PRKD1: variants seen among roughly 807,000 people sequenced by gnomAD.
The protein encoded by PRKD1 is serine/threonine-protein kinase D1.
A neutral mutation model predicts 95.9 loss-of-function variants in PRKD1; 63 were observed. The ratio of observed to expected loss-of-function variants is 0.66; its 90% confidence interval spans 0.54 to 0.81. PRKD1 has a LOEUF of 0.81. Ranked by LOEUF, PRKD1 falls within the 30% of genes least tolerant of loss-of-function variation. PRKD1 has a pLI of 0.00. For synonymous variants in PRKD1, 425 were observed against 423.1 expected, an observed-to-expected ratio of 1.00 and a Z score of -0.05; for missense variants, 1,048 against 1,165.3, an observed-to-expected ratio of 0.90 and a Z score of 1.47.
At chr14:29,833,332 ATAAT>A (rs1468570816) in intron 1 of PRKD1, among the ~76,000 whole-genome samples, 1 of 152,116 alleles carries the variant, frequency 6.6e-6, no homozygotes, top group Admixed American at 6.5e-5. Flanking sequence ...ATAAGATAAT[ATAAT>A]TAGTCAAAAT....
chr14:29,610,427 T>A (rs145815156), intron 13 of PRKD1, among the ~76,000 whole-genome samples: 1 of 152,178 alleles, frequency 6.6e-6, no homozygotes, highest in African/African-American at 2.4e-5. Context: ...TTGCTCAATA[T>A]CAGGTGTCAT....
At chr14:29,829,032 G>A (rs922614713) in intron 1 of PRKD1, among the ~76,000 whole-genome samples, 6 of 152,182 alleles carry the variant, frequency 3.9e-5, no homozygotes, top group African/African-American at 1.4e-4. Flanking sequence ...GCCATGTTGT[G>A]AGAAGCCCAG....
rs147308040 is a variant in PRKD1, at chr14:29,676,177, G to GTTTTTTTTTTTTTTTTT, written c.404-9970_404-9969insAAAAAAAAAAAAAAAAA. 2.8e-3 allele frequency among the ~76,000 whole-genome samples: 288 copies of GTTTTTTTTTTTTTTTTT among 104,612 alleles called. 14 individuals carry two copies. The highest frequency in any genetic ancestry group is 3.5e-3 in the South Asian group (10 of 2,828). The allele number at this position is 104,612 out of a possible 152,430, so 68.6% of individuals were successfully genotyped here. On this transcript the variant is annotated intron_variant, in intron 2 of 17. Transcript: ENST00000331968. ...GCTGTAGGCATGCATAGTTCATTAC[G>GTTTTTTTTTTTTTTTTT]TTTTTGTTTTTTTTTTTTTTTTTTT...
intron 1 of PRKD1, among the ~76,000 whole-genome samples, chr14:29,768,401 T>A (rs1350249811): frequency 6.6e-6 from 1 of 152,238 alleles, no homozygotes; most frequent in Non-Finnish European, 1.5e-5. Flanking sequence ...GGTACTTTGG[T>A]AACTGCTCAT....
chr14:29,671,909 T>C (rs1882867098), intron 2 of PRKD1, among the ~76,000 whole-genome samples: 1 of 152,176 alleles, frequency 6.6e-6, no homozygotes, highest in East Asian at 1.9e-4. Context: ...TATAAAATGT[T>C]GATATTTTAA....
chr14:29,683,905 T>C (rs150046285), intron 2 of PRKD1, among the ~76,000 whole-genome samples: 397 of 152,336 alleles, frequency 2.6e-3, no homozygotes, highest in Admixed American at 4.5e-3. Context: ...TCCTAGGACA[T>C]AGTGTTATAA....
At chr14:29,816,015 C>G (rs573021249) in intron 1 of PRKD1, among the ~76,000 whole-genome samples, 42 of 152,182 alleles carry the variant, frequency 2.8e-4, no homozygotes, top group African/African-American at 9.4e-4. Context: ...GTCAGGAGAT[C>G]GAGACCATCC....
chr14:29,650,574 G>A (rs183477471), intron 4 of PRKD1: 11 of 152,320 alleles, frequency 7.2e-5, no homozygotes, highest in East Asian at 5.8e-4. Context: ...GAATGGGGGG[G>A]GCAGGAGAGT....
intron 3 of PRKD1, among the ~76,000 whole-genome samples, 163 bp downstream of exon 3, chr14:29,665,912 CAT>C (rs962884544): frequency 1.3e-5 from 2 of 151,812 alleles, no homozygotes; most frequent in Non-Finnish European, 2.9e-5. Context: ...TATATACACA[CAT>C]ATATATGTGC....
chr14:29,647,326 A>G (rs182577938), intron 4 of PRKD1, among the ~76,000 whole-genome samples: 5 of 152,340 alleles, frequency 3.3e-5, no homozygotes, highest in Admixed American at 2.6e-4. Context: ...AGGAACCGTG[A>G]TATTTTCTTA....
At chr14:29,906,505 C>T (rs45588231) in intron 1 of PRKD1, among the ~76,000 whole-genome samples, 4,441 of 150,426 alleles carry the variant, frequency 0.03, 72 homozygotes, top group South Asian at 0.047. Context: ...ACGTCCCAGG[C>T]AGAGTGAGAC....
At chr14:29,766,825 T>G (rs2139128874) in intron 1 of PRKD1, among the ~76,000 whole-genome samples, 1 of 152,226 alleles carries the variant, frequency 6.6e-6, no homozygotes, top group Admixed American at 6.5e-5. Context: ...AAACAAAAAC[T>G]TTTGTTATAA....
intron 2 of PRKD1, among the ~76,000 whole-genome samples, chr14:29,704,749 T>C (rs928351183): frequency 3.3e-5 from 5 of 152,204 alleles, no homozygotes; most frequent in East Asian, 1.9e-4. Flanking sequence ...TTCATACTTA[T>C]GCACATTTAC....
At chr14:29,641,577 CTA>C (rs1480982443) in intron 4 of PRKD1, among the ~76,000 whole-genome samples, 3 of 152,112 alleles carry the variant, frequency 2.0e-5, no homozygotes, top group Non-Finnish European at 2.9e-5. Flanking sequence ...GTATTCAATT[CTA>C]TGTTTCTGGG....
intron 1 of PRKD1, among the ~76,000 whole-genome samples, chr14:29,838,771 T>A (rs1891712459): frequency 6.6e-6 from 1 of 152,204 alleles, no homozygotes; most frequent in African/African-American, 2.4e-5. Context: ...TCAAAATTTT[T>A]GCACCAAACT....
intron 4 of PRKD1, chr14:29,656,386 G>T: frequency 1.5e-6 from 2 of 1,309,442 alleles, no homozygotes; most frequent in Non-Finnish European, 2.1e-6. Flanking sequence ...CATAAAGTCA[G>T]TACAGACAAT....
At chr14:29,678,323 A>G (rs971971451) in intron 2 of PRKD1, among the ~76,000 whole-genome samples, 1 of 152,200 alleles carries the variant, frequency 6.6e-6, no homozygotes, top group Non-Finnish European at 1.5e-5. Context: ...GCTCATTATC[A>G]AGCCTAGTGA....
intron 1 of PRKD1, among the ~76,000 whole-genome samples, chr14:29,913,875 G>A (rs1894802140): frequency 6.6e-6 from 1 of 152,180 alleles, no homozygotes; most frequent in African/African-American, 2.4e-5. Context: ...AGTAAATTCA[G>A]ACCTCTAGTA....
At chr14:29,862,778 A>T (rs1464447164) in intron 1 of PRKD1, among the ~76,000 whole-genome samples, 2 of 151,980 alleles carry the variant, frequency 1.3e-5, no homozygotes, top group African/African-American at 4.8e-5. Flanking sequence ...CCTTTGTCAG[A>T]TGGGTCATTT....
Sources: allele counts gnomAD v4.1 joint callset (sites outside exome capture counted in the v4.1 genomes callset), GRCh38; gene constraint gnomAD v4.1.1; transcripts MANE v1.5; gene names NCBI Gene and HGNC (gene_info 2026-07-23, HGNC 2026-07-21).